WDR62: variants seen among roughly 807,000 people sequenced by gnomAD.
The protein encoded by WDR62 is WD repeat-containing protein 62.
WDR62 carries 112 observed loss-of-function variants against 160.6 expected under a neutral mutation model. The ratio of observed to expected loss-of-function variants is 0.70; its 90% CI spans 0.60 to 0.82. The LOEUF is 0.82. WDR62 is among the 40% of genes least tolerant of loss of function. The pLI is 0.00. For synonymous variants in WDR62, 792 were observed against 815.1 expected, an observed-to-expected ratio of 0.97 and a Z score of 0.48; for missense variants, 1,819 against 1,983.8, an observed-to-expected ratio of 0.92 and a Z score of 1.58.
intron 2 of WDR62, 148 bp from the exon 3 acceptor site, chr19:36,059,820 G>A: frequency 3.7e-6 from 3 of 806,966 alleles, no homozygotes; most frequent in Non-Finnish European, 6.6e-6. Context: ...AGAATTCTCA[G>A]CGTAAACACC....
chr19:36,083,785 G>T (rs1048298107), intron 11 of WDR62, among the ~76,000 whole-genome samples: 1 of 152,162 alleles, frequency 6.6e-6, no homozygotes, highest in African/African-American at 2.4e-5. Context: ...GAATGGAGGA[G>T]AGTTGGGGGA....
At chr19:36,083,613 A>G (rs1233684586) in intron 11 of WDR62, among the ~76,000 whole-genome samples, 1 of 152,124 alleles carries the variant, frequency 6.6e-6, no homozygotes, top group East Asian at 1.9e-4. Flanking sequence ...AGGGGCTATG[A>G]GGGTGGGATA....
intron 13 of WDR62, among the ~76,000 whole-genome samples, chr19:36,087,132 C>T (rs1391112094): frequency 2.7e-5 from 4 of 150,860 alleles, no homozygotes; most frequent in East Asian, 2.0e-4. Context: ...CTCAGGAGGC[C>T]GAGGTGGGAG....
At chr19:36,086,576 G>T (rs1344154082) in intron 12 of WDR62, 111 bp from the exon 13 acceptor site, 6 of 1,395,568 alleles carry the variant, frequency 4.3e-6, no homozygotes, top group Non-Finnish European at 5.9e-6. Flanking sequence ...TACAGTTGAA[G>T]AACCAAAGAC....
chr19:36,087,598 C>T (rs1006642449), intron 13 of WDR62, among the ~76,000 whole-genome samples: 2 of 150,966 alleles, frequency 1.3e-5, no homozygotes, highest in Non-Finnish European at 2.9e-5. Context: ...AGGCAGATCA[C>T]CTGAAGCTAG....
intron 7 of WDR62, among the ~76,000 whole-genome samples, 171 bp downstream of exon 7, chr19:36,068,181 C>T (rs1213877530): frequency 2.6e-5 from 4 of 152,122 alleles, no homozygotes; most frequent in African/African-American, 7.2e-5. Context: ...TACTGCTGCC[C>T]TCCCCGCAGA....
At chr19:36,068,791 A>G (rs987298348) in intron 7 of WDR62, among the ~76,000 whole-genome samples, 1 of 152,178 alleles carries the variant, frequency 6.6e-6, no homozygotes, top group Non-Finnish European at 1.5e-5. Flanking sequence ...TGATTTCTCT[A>G]TCTTTTCCCC....
Position 36,071,666 on chromosome 19 carries a change from G to C in WDR62, c.993G>C (p.Leu331=), listed in dbSNP as rs1260514144. The C allele has an allele frequency of 1.2e-6, 2 of 1,614,180 alleles. No individual in the cohort carries two copies. Among genetic ancestry groups the C allele is most frequent in the Non-Finnish European group, 1.7e-6 (2 of 1,180,046 alleles). The part of the protein sequence containing the change: ...QAHSLHYLAN[L]PKPHYLGVDV... The stretch of plus-strand genomic sequence containing the variant: ...ATAGCCTGCACTACCTCGCCAACCT[G>C]CCCAAGCCACACTACCTTGGGGTAG... Residue 331 remains leucine (L), a synonymous_variant, in exon 8 of 32, where the codon CTG becomes CTC. Coordinates refer to ENST00000401500, the MANE Select transcript of WDR62 (RefSeq NM_001083961.2).
chr19:36,069,369 G>A (rs1971150851), intron 7 of WDR62, among the ~76,000 whole-genome samples: 1 of 152,102 alleles, frequency 6.6e-6, no homozygotes, highest in Admixed American at 6.5e-5. Flanking sequence ...CGGCCGGGTA[G>A]AGGCGCTCCT....
downstream of WDR62, among the ~76,000 whole-genome samples, chr19:36,109,678 G>A (rs746096274): frequency 6.6e-6 from 1 of 152,020 alleles, no homozygotes; most frequent in Non-Finnish European, 1.5e-5. Context: ...AGGCTGCAGT[G>A]TGTGGAGATC....
chr19:36,087,063 G>A (rs148764707), intron 13 of WDR62, among the ~76,000 whole-genome samples: 24 of 151,782 alleles, frequency 1.6e-4, no homozygotes, highest in Admixed American at 9.8e-4. Context: ...GTGAAACCCC[G>A]TCTCTACTAA....
chr19:36,071,187 CAAAAAACTCTATCTCAA>C (rs1167917451), intron 7 of WDR62: 3 of 256,074 alleles, frequency 1.2e-5, no homozygotes, highest in African/African-American at 2.3e-5. Context: ...CTGGGCGCAA[CAAAAAACTCTATCTCAA>C]AAAAAAAAAA....
intron 10 of WDR62, chr19:36,082,071 G>A: frequency 2.8e-6 from 1 of 355,146 alleles, no homozygotes; most frequent in Non-Finnish European, 5.6e-6. Flanking sequence ...TGAGACCTGA[G>A]TCATGCATTC....
At position 36,073,435 on chromosome 19, in the gene WDR62, G is replaced by A; in HGVS notation, c.1137G>A (p.Lys379=). 2.5e-6 allele frequency: 4 copies of A among 1,614,134 alleles called. No individual in the cohort carries two copies. Among genetic ancestry groups the A allele is most frequent in the Non-Finnish European group, 3.4e-6 (4 of 1,180,010 alleles). ...PIHQWLSCVY[K]DHSIYIWDVK... is the part of the protein sequence containing the mutation. ...ACCAGTGGCTGTCCTGCGTGTATAA[G>A]GACCACAGCATCTACATCTGGGATG... is the stretch of plus-strand genomic sequence containing the variant. The change falls in exon 9 of 32, where the codon AAG becomes AAA. Residue 379 remains lysine, a synonymous_variant. Transcript: ENST00000401500.
intron 1 of WDR62, among the ~76,000 whole-genome samples, chr19:36,057,973 C>G (rs989681002): frequency 2.6e-5 from 4 of 152,148 alleles, no homozygotes; most frequent in Admixed American, 2.0e-4. Flanking sequence ...GATCTTGGGC[C>G]TCAGACTTCT....
chr19:36,058,964 T>C, intron 2 of WDR62, 93 bp downstream of exon 2: 1 of 1,041,134 alleles, frequency 9.6e-7, no homozygotes, highest in Non-Finnish European at 1.5e-6. Context: ...AGCCTCATAT[T>C]TTTCACCTGT....
chr19:36,091,804 C>G (rs1011809044), intron 18 of WDR62, among the ~76,000 whole-genome samples: 1 of 151,752 alleles, frequency 6.6e-6, no homozygotes, highest in Non-Finnish European at 1.5e-5. Context: ...ATGGCTTGAA[C>G]CTGGTAGGTA....
intron 10 of WDR62, 61 bp from the exon 11 acceptor site, chr19:36,083,002 A>G: frequency 6.7e-7 from 1 of 1,485,372 alleles, no homozygotes; most frequent in Non-Finnish European, 9.3e-7. Flanking sequence ...CTATGGAGGG[A>G]CACGATTTCA....
intron 7 of WDR62, 61 bp downstream of exon 7, chr19:36,068,071 G>C (rs1971040919): frequency 1.0e-5 from 16 of 1,560,940 alleles, no homozygotes; most frequent in Non-Finnish European, 1.3e-5. Context: ...GTGTCTGCAG[G>C]GGTGCTCATC....
Sources: gnomAD v4.1 joint callset for allele counts (sites outside exome capture counted in the v4.1 genomes callset) on GRCh38, gnomAD v4.1.1 for gene constraint, MANE v1.5 for transcripts, NCBI Gene and HGNC (gene_info 2026-07-23, HGNC 2026-07-21) for gene names.